ACOT7: variants seen among roughly 807,000 people sequenced by gnomAD.
The protein encoded by ACOT7 is cytosolic acyl coenzyme A thioester hydrolase.
In ACOT7, 12 loss-of-function variants were observed where a neutral mutation model predicts 40.2. The observed-to-expected ratio is 0.30, with a 90% CI of 0.19 to 0.48. The LOEUF (loss-of-function observed/expected upper bound fraction) is 0.48, where lower values mean the gene tolerates loss of function less well. Ranked by LOEUF, ACOT7 falls within the 20% of genes least tolerant of loss-of-function variation. The pLI is 0.99. For missense variants in ACOT7, 395 were observed against 530.8 expected, an observed-to-expected ratio of 0.74 and a Z score of 2.51; for synonymous variants, 228 against 219.5, an observed-to-expected ratio of 1.04 and a Z score of -0.34.
rs987379952 is a variant in ACOT7 at position 6,358,720 on chromosome 1, C to G, written c.144-8854G>C. The G allele has an allele frequency of 2.5e-6, 3 of 1,177,154 alleles. No homozygotes were observed. The highest frequency in any genetic ancestry group is 3.7e-6 in the Non-Finnish European group (3 of 804,622). 72.9% of individuals were successfully genotyped at this position (1,177,154 alleles called of 1,614,324 possible). ...GCATGACACCAGCCAGCCTGCTGGG[C>G]ACAGGGGCCGAGTCCCCTCTACCCA... On this transcript the variant is annotated intron_variant, in intron 1 of 8. Transcript: ENST00000361521. The surrounding 1 kb of genome is among the most constrained non-coding windows in gnomAD (Gnocchi z 4.1).
At chr1:6,276,994 C>A (rs879866492) in intron 8 of ACOT7, among the ~76,000 whole-genome samples, 23 of 152,112 alleles carry the variant, frequency 1.5e-4, no homozygotes, top group Admixed American at 4.6e-4. Context: ...CTGACCACCC[C>A]CCCCCAGGGT....
chr1:6,308,141 G>A (rs1449416917), intron 6 of ACOT7, among the ~76,000 whole-genome samples: 2 of 151,166 alleles, frequency 1.3e-5, no homozygotes, highest in Non-Finnish European at 2.9e-5. Flanking sequence ...GCCACAGGCA[G>A]GGGGAACAGC....
At chr1:6,342,125 G>C (rs767703472) in intron 2 of ACOT7, among the ~76,000 whole-genome samples, 1 of 152,208 alleles carries the variant, frequency 6.6e-6, no homozygotes, top group Non-Finnish European at 1.5e-5. Flanking sequence ...GAAGTCTCCA[G>C]GGACTTGGGT....
chr1:6,278,420 A>G lies in ACOT7; in HGVS notation c.1014+2682T>C, dbSNP rs1639262266. 6.6e-6 allele frequency among the ~76,000 whole-genome samples: 1 copy of G among 152,128 alleles called. No individual in the cohort carries two copies. Among genetic ancestry groups the G allele is most frequent in the African/African-American group, 2.4e-5 (1 of 41,434 alleles). Reference sequence around the variant, plus strand: ...AGGACTGAGCAGGGGCCCCATGGGGACGGGGCAGTAAGAGCTGTTCGGGAG... The same window carrying G: ...AGGACTGAGCAGGGGCCCCATGGGGGCGGGGCAGTAAGAGCTGTTCGGGAG... On this transcript the variant is annotated intron_variant, in intron 8 of 8. Transcript: ENST00000361521. This position sits in a 1 kb window ranked among gnomAD's most constrained non-coding sequence, Gnocchi z 4.1.
chr1:6,322,191 G>A (rs1275542768), intron 5 of ACOT7, among the ~76,000 whole-genome samples: 1 of 130,096 alleles, frequency 7.7e-6, no homozygotes, highest in African/African-American at 2.9e-5. Context: ...GACCCTGCAC[G>A]CCAGCTCCCA....
intron 1 of ACOT7, among the ~76,000 whole-genome samples, chr1:6,385,307 C>T (rs536571721): frequency 3.5e-5 from 5 of 142,920 alleles, no homozygotes; most frequent in African/African-American, 1.1e-4. Flanking sequence ...GAAGAACATG[C>T]CAGGTCTCCA....
intron 5 of ACOT7, among the ~76,000 whole-genome samples, chr1:6,319,551 A>G (rs1436962747): frequency 6.6e-6 from 1 of 152,270 alleles, no homozygotes; most frequent in African/African-American, 2.4e-5. Flanking sequence ...TGACAAAAGA[A>G]AATGGAATTA....
At chr1:6,292,675 T>G (rs991084762) in intron 7 of ACOT7, among the ~76,000 whole-genome samples, 6 of 146,394 alleles carry the variant, frequency 4.1e-5, no homozygotes, top group Admixed American at 6.7e-5. Flanking sequence ...GTTTTTTTTT[T>G]GTTTTTTTGT....
At chr1:6,392,769 G>T (rs1642553446) in intron 1 of ACOT7, among the ~76,000 whole-genome samples, 1 of 152,090 alleles carries the variant, frequency 6.6e-6, no homozygotes, top group African/African-American at 2.4e-5. Context: ...GGGCTCGCGC[G>T]GCTCTGGGCA....
chr1:6,393,022 G>A (rs542463597), intron 1 of ACOT7, among the ~76,000 whole-genome samples: 1 of 152,024 alleles, frequency 6.6e-6, no homozygotes, highest in African/African-American at 2.4e-5. Flanking sequence ...CGCCGCCCTG[G>A]AGATGCGGCC....
rs1002478174 is a variant in ACOT7 at position 6,343,208 on chromosome 1, C to A, written c.262-3619G>T. Among the ~76,000 whole-genome samples the A allele has an allele frequency of 1.3e-5, 2 of 152,190 alleles. 1 individual carries two copies. Among genetic ancestry groups the A allele is most frequent in the South Asian group, 4.1e-4 (2 of 4,830 alleles). ...AGAGTATGTGGCAGTCACTTCAAGC[C>A]CTGGTGTGTGCGTCTGTGCTCTCCC... On this transcript the variant is annotated intron_variant, in intron 2 of 8. Transcript: ENST00000361521.
intron 6 of ACOT7, among the ~76,000 whole-genome samples, chr1:6,303,349 G>A (rs1439579408): frequency 2.0e-5 from 3 of 152,136 alleles, no homozygotes; most frequent in African/African-American, 7.2e-5. Flanking sequence ...GACTTTCTTG[G>A]CCACTAATGT....
At chr1:6,350,033 G>C (rs1292667126) in intron 1 of ACOT7, among the ~76,000 whole-genome samples, 167 bp from the exon 2 acceptor site, 1 of 152,172 alleles carries the variant, frequency 6.6e-6, no homozygotes. Context: ...GTCAGGGTGG[G>C]GTGCCACCTG....
In ACOT7 at chr1:6,306,627, T is replaced by G; in HGVS notation, c.713-11647A>C. ...TACTAGAAGGAATTTAACTGCAGCC[T>G]GTGCCACTCAGCTTCACGAGGAAGA... On this transcript the variant is annotated intron_variant, in intron 6 of 8. Transcript: ENST00000361521. This position sits in a 1 kb window ranked among gnomAD's most constrained non-coding sequence, Gnocchi z 4.3. 9.1e-6 allele frequency: 9 copies of G among 985,422 alleles called. No homozygotes were observed. Among genetic ancestry groups the G allele is most frequent in the Non-Finnish European group, 1.1e-5 (9 of 829,930 alleles). The allele number at this position is 985,422 out of a possible 1,614,324, so 61.0% of individuals were successfully genotyped here.
At chr1:6,348,446 C>A (rs114753422) in intron 2 of ACOT7, among the ~76,000 whole-genome samples, 1 of 152,110 alleles carries the variant, frequency 6.6e-6, no homozygotes, top group African/African-American at 2.4e-5. Context: ...GCTGTCCCCA[C>A]CTCCCAAAAT....
intron 1 of ACOT7, among the ~76,000 whole-genome samples, chr1:6,376,072 T>C (rs1348785332): frequency 1.3e-5 from 2 of 151,928 alleles, no homozygotes; most frequent in South Asian, 2.1e-4. Context: ...CTGGCCAACA[T>C]GGTGAAACCC....
chr1:6,388,837 G>A (rs1268146441), intron 1 of ACOT7, among the ~76,000 whole-genome samples: 1 of 150,664 alleles, frequency 6.6e-6, no homozygotes, highest in African/African-American at 2.4e-5. Flanking sequence ...AGGAGATCGA[G>A]ACCATCCTGG....
At chr1:6,290,965 T>TCCA (rs1447479948) in intron 7 of ACOT7, among the ~76,000 whole-genome samples, 5 of 152,214 alleles carry the variant, frequency 3.3e-5, no homozygotes, top group Non-Finnish European at 7.3e-5. Context: ...TTCTCCAGGC[T>TCCA]GACGTCAATT....
rs146118432 is a variant in ACOT7 at position 6,331,575 on chromosome 1, C to T, written c.510+1902G>A. 9.8e-3 allele frequency among the ~76,000 whole-genome samples: 1,499 copies of T among 152,290 alleles called. 14 individuals are homozygous for T. Among genetic ancestry groups the T allele is most frequent in the Middle Eastern group, 0.041 (12 of 294 alleles). Reference sequence around the variant, plus strand: ...CAGTGGCACTTTGTCACAGCAGCCCCGGGACACTGTCAGGTGGGAATATGA... The same window carrying T: ...CAGTGGCACTTTGTCACAGCAGCCCTGGGACACTGTCAGGTGGGAATATGA... On this transcript the variant is annotated intron_variant, in intron 4 of 8. Coordinates refer to ENST00000361521, the MANE Select transcript of ACOT7 (RefSeq NM_007274.4).
Sources: allele counts gnomAD v4.1 joint callset (sites outside exome capture counted in the v4.1 genomes callset), GRCh38; gene constraint gnomAD v4.1.1; non-coding constraint Gnocchi (gnomAD v3.1); transcripts MANE v1.5; gene names NCBI Gene and HGNC (gene_info 2026-07-23, HGNC 2026-07-21).